The following PPARGC1A variants were observed in gnomAD, a reference collection of about 807,000 sequenced individuals.
PPARGC1A encodes the protein peroxisome proliferator-activated receptor gamma coactivator 1-alpha.
A neutral mutation model predicts 88.7 loss-of-function variants in PPARGC1A; 25 were observed. That is an observed-to-expected ratio of 0.28 (90% CI 0.21 to 0.39). The LOEUF (loss-of-function observed/expected upper bound fraction) is 0.39. PPARGC1A is among the 10% of genes least tolerant of loss of function. The pLI, the probability that PPARGC1A is intolerant of heterozygous loss-of-function variation, is 1.00. For synonymous variants in PPARGC1A, 363 were observed against 355.6 expected (o/e 1.02, Z -0.24); for missense variants, 880 against 968.7 (o/e 0.91, Z 1.22).
chr4:23,955,850 A>G, the PPARGC1A span, among the ~76,000 whole-genome samples: 1 of 152,126 alleles, frequency 6.6e-6, no homozygotes, highest in African/African-American at 2.4e-5. Flanking sequence ...GCCATGTTAG[A>G]ACAAGAACTG....
At chr4:24,171,831 A>C in the PPARGC1A span, among the ~76,000 whole-genome samples, 1 of 152,228 alleles carries the variant, frequency 6.6e-6, no homozygotes, top group Non-Finnish European at 1.5e-5. Flanking sequence ...TGGAAAACAC[A>C]GTCACCTTAC....
chr4:24,422,931 C>A, the PPARGC1A span, among the ~76,000 whole-genome samples: 1 of 152,044 alleles, frequency 6.6e-6, no homozygotes, highest in Non-Finnish European at 1.5e-5. Flanking sequence ...CATCCCATGC[C>A]GATTCACTAA....
At chr4:23,829,134 T>C (rs1724540814) in intron 4 of PPARGC1A, among the ~76,000 whole-genome samples, 1 of 152,190 alleles carries the variant, frequency 6.6e-6, no homozygotes, top group South Asian at 2.1e-4. Flanking sequence ...AAACAGCAAT[T>C]CTGCATCTTA....
intron 7 of PPARGC1A, among the ~76,000 whole-genome samples, chr4:23,817,153 A>G (rs1722137990): frequency 6.6e-6 from 1 of 152,308 alleles, no homozygotes; most frequent in East Asian, 1.9e-4. Flanking sequence ...AAATTAGGCC[A>G]CTATTAAAGA....
chr4:24,309,861 G>A, the PPARGC1A span, among the ~76,000 whole-genome samples: 11 of 152,234 alleles, frequency 7.2e-5, no homozygotes, highest in Admixed American at 2.0e-4. Context: ...GTATGTCAAC[G>A]AAAGAGATAA....
At chr4:24,225,376 T>G in the PPARGC1A span, among the ~76,000 whole-genome samples, 2 of 152,238 alleles carry the variant, frequency 1.3e-5, no homozygotes, top group East Asian at 3.9e-4. Context: ...GAGACCATCC[T>G]GGCTAACACG....
chr4:24,265,506 G>T, the PPARGC1A span, among the ~76,000 whole-genome samples: 2 of 152,144 alleles, frequency 1.3e-5, no homozygotes, highest in Admixed American at 1.3e-4. Flanking sequence ...TCTGCTTAAA[G>T]TCACCCTGGG....
At chr4:24,303,837 C>G in the PPARGC1A span, among the ~76,000 whole-genome samples, 1 of 152,120 alleles carries the variant, frequency 6.6e-6, no homozygotes, top group African/African-American at 2.4e-5. Flanking sequence ...CCTTTTAAAC[C>G]AGAGACTCTC....
the PPARGC1A span, among the ~76,000 whole-genome samples, chr4:24,343,278 A>G: frequency 6.6e-6 from 1 of 152,140 alleles, no homozygotes; most frequent in East Asian, 1.9e-4. Context: ...TCATGTGGAA[A>G]CTTCATCTCT....
the PPARGC1A span, among the ~76,000 whole-genome samples, chr4:24,231,066 A>G: frequency 3.9e-5 from 6 of 152,182 alleles, no homozygotes; most frequent in African/African-American, 1.4e-4. Flanking sequence ...AGAGAAACAG[A>G]GAAAAATCGA....
At chr4:24,161,474 C>T in the PPARGC1A span, among the ~76,000 whole-genome samples, 1 of 152,224 alleles carries the variant, frequency 6.6e-6, no homozygotes, top group African/African-American at 2.4e-5. Context: ...CGATAAGAGG[C>T]CACTTAACTC....
the PPARGC1A span, among the ~76,000 whole-genome samples, chr4:24,186,900 C>A: frequency 6.6e-6 from 1 of 152,204 alleles, no homozygotes; most frequent in African/African-American, 2.4e-5. Flanking sequence ...GCTGCTTCTG[C>A]ACGTGCAGTC....
chr4:24,329,387 C>A, the PPARGC1A span, among the ~76,000 whole-genome samples: 1 of 152,086 alleles, frequency 6.6e-6, no homozygotes, highest in Non-Finnish European at 1.5e-5. Flanking sequence ...TGAGGCCCTG[C>A]GTGATGGGGT....
chr4:23,882,936 C>T (rs543734752), intron 2 of PPARGC1A: 22 of 152,216 alleles, frequency 1.4e-4, no homozygotes, highest in African/African-American at 4.8e-4. Flanking sequence ...TCTCCCCTAC[C>T]GCTAAGTTAT....
rs1333643563 is a variant in PPARGC1A at position 23,859,354 on chromosome 4, C to A, written c.234+25398G>T. 2.0e-5 allele frequency among the ~76,000 whole-genome samples: 3 copies of A among 152,112 alleles called. No homozygotes were observed. The East Asian group carries it at 5.8e-4, about 29-fold the overall frequency. On this transcript the variant is annotated intron_variant, in intron 2 of 12. Transcript: ENST00000264867. ...GGCTTGTCCAATTATCTCTAGTTGG[C>A]CTGAATGCTGAAAGTGTAAGGGGAA...
At chr4:24,071,919 T>G in the PPARGC1A span, among the ~76,000 whole-genome samples, 1 of 152,126 alleles carries the variant, frequency 6.6e-6, no homozygotes, top group African/African-American at 2.4e-5. Flanking sequence ...TCAATTCAAA[T>G]TAGTCATTTA....
the PPARGC1A span, among the ~76,000 whole-genome samples, chr4:24,334,400 T>A: frequency 6.6e-6 from 1 of 152,198 alleles, no homozygotes; most frequent in Non-Finnish European, 1.5e-5. Context: ...CTCATTTTCT[T>A]CATCTACTGA....
At chr4:23,810,677 C>G (rs544649434) in intron 10 of PPARGC1A, among the ~76,000 whole-genome samples, 6 of 152,014 alleles carry the variant, frequency 3.9e-5, no homozygotes, top group Non-Finnish European at 8.8e-5. Context: ...TGTGTCATGG[C>G]CATATAAGCA....
the PPARGC1A span, among the ~76,000 whole-genome samples, chr4:24,265,690 T>A: frequency 6.6e-6 from 1 of 152,072 alleles, no homozygotes; most frequent in South Asian, 2.1e-4. Context: ...CTGCTTTCCA[T>A]GAAGACCTTA....
Sources: gnomAD v4.1 joint callset for allele counts (sites outside exome capture counted in the v4.1 genomes callset) on GRCh38, gnomAD v4.1.1 for gene constraint, MANE v1.5 for transcripts, NCBI Gene and HGNC (gene_info 2026-07-23, HGNC 2026-07-21) for gene names.